Variants in PRKCA observed in about 807,000 individuals in gnomAD.
PRKCA encodes protein kinase C alpha type.
PRKCA carries 27 observed loss-of-function variants against 87.0 expected under a neutral mutation model. The observed-to-expected ratio is 0.31, with a 90% CI of 0.23 to 0.43. The LOEUF (loss-of-function observed/expected upper bound fraction) is 0.43, where lower values mean the gene tolerates loss of function less well. Ranked by LOEUF, PRKCA falls within the 20% of genes least tolerant of loss-of-function variation. The pLI is 1.00. For synonymous variants in PRKCA, 329 were observed against 311.1 expected, an observed-to-expected ratio of 1.06 and a Z score of -0.61; for missense variants, 518 against 852.3, an observed-to-expected ratio of 0.61 and a Z score of 4.88.
At chr17:66,338,364 G>A (rs1470826125) in intron 2 of PRKCA, among the ~76,000 whole-genome samples, 1 of 151,982 alleles carries the variant, frequency 6.6e-6, no homozygotes, top group Non-Finnish European at 1.5e-5. Flanking sequence ...CCCCCACTTT[G>A]GCTCTGAACC....
chr17:66,706,028 T>G (rs1314178419), intron 8 of PRKCA, among the ~76,000 whole-genome samples: 2 of 152,168 alleles, frequency 1.3e-5, no homozygotes, highest in Non-Finnish European at 2.9e-5. Flanking sequence ...GCTTGAGCTC[T>G]AGATCTTGCA....
chr17:66,669,484 A>G (rs1972120890), intron 5 of PRKCA, among the ~76,000 whole-genome samples: 1 of 152,208 alleles, frequency 6.6e-6, no homozygotes, highest in Non-Finnish European at 1.5e-5. Context: ...TCCCAAAGAT[A>G]AAAGAAGAAA....
At chr17:66,562,090 AATATATATAATTAAATT>A (rs1258478279) in intron 3 of PRKCA, among the ~76,000 whole-genome samples, 5 of 113,136 alleles carry the variant, frequency 4.4e-5, no homozygotes, top group South Asian at 5.4e-4. Flanking sequence ...TATATAATTA[AATATATATAATTAAATT>A]ATATATATAA....
At chr17:66,393,932 G>A (rs1342537118) in intron 2 of PRKCA, among the ~76,000 whole-genome samples, 1 of 151,988 alleles carries the variant, frequency 6.6e-6, no homozygotes, top group African/African-American at 2.4e-5. Flanking sequence ...AAATTGGCCC[G>A]GGCATGGTGG....
chr17:66,321,905 CAG>C (rs770475331), intron 2 of PRKCA, among the ~76,000 whole-genome samples: 1 of 152,182 alleles, frequency 6.6e-6, no homozygotes, highest in Non-Finnish European at 1.5e-5. Flanking sequence ...TCCATGAACT[CAG>C]ACTCATGCTA....
intron 8 of PRKCA, among the ~76,000 whole-genome samples, chr17:66,728,890 C>T (rs903807801): frequency 4.6e-5 from 7 of 152,332 alleles, no homozygotes; most frequent in South Asian, 2.1e-4. Flanking sequence ...TAGTATGAAC[C>T]GCAACTTCAC....
At chr17:66,667,238 C>A (rs1195554839) in intron 5 of PRKCA, among the ~76,000 whole-genome samples, 2 of 152,146 alleles carry the variant, frequency 1.3e-5, no homozygotes, top group Non-Finnish European at 2.9e-5. Context: ...GATGTCAAAT[C>A]GAGTTAAACA....
At chr17:66,337,094 C>T (rs555253976) in intron 2 of PRKCA, among the ~76,000 whole-genome samples, 1 of 152,032 alleles carries the variant, frequency 6.6e-6, no homozygotes, top group African/African-American at 2.4e-5. Flanking sequence ...CCCAGCCAGA[C>T]GTGCCTTCTT....
At chr17:66,360,721 A>G (rs2143476913) in intron 2 of PRKCA, among the ~76,000 whole-genome samples, 1 of 152,232 alleles carries the variant, frequency 6.6e-6, no homozygotes, top group Middle Eastern at 3.4e-3. Flanking sequence ...TTTATGGAAA[A>G]TCTTAAAACC....
At chr17:66,544,308 C>T (rs972023861) in intron 3 of PRKCA, among the ~76,000 whole-genome samples, 1 of 152,008 alleles carries the variant, frequency 6.6e-6, no homozygotes, top group African/African-American at 2.4e-5. Context: ...TGCTGTGAAC[C>T]AAAATACTAT....
At chr17:66,357,081 A>G (rs116550167) in intron 2 of PRKCA, among the ~76,000 whole-genome samples, 210 of 152,342 alleles carry the variant, frequency 1.4e-3, no homozygotes, top group African/African-American at 5.0e-3. Flanking sequence ...TTTGGGGTCC[A>G]GAAATCTTGT....
At chr17:66,554,634 G>A in intron 3 of PRKCA, 7 of 712,410 alleles carry the variant, frequency 9.8e-6, no homozygotes, top group Non-Finnish European at 1.2e-5. Context: ...GGGGGCACTA[G>A]CAAATAAATT....
intron 3 of PRKCA, among the ~76,000 whole-genome samples, chr17:66,502,483 C>T (rs1469747538): frequency 6.6e-6 from 1 of 152,126 alleles, no homozygotes; most frequent in Non-Finnish European, 1.5e-5. Flanking sequence ...GATCCACTCA[C>T]CTAGGCCTCC....
intron 3 of PRKCA, among the ~76,000 whole-genome samples, chr17:66,629,412 C>T (rs1970948478): frequency 6.6e-6 from 1 of 152,190 alleles, no homozygotes; most frequent in South Asian, 2.1e-4. Flanking sequence ...GAATAGCAGA[C>T]AGGGTACCTC....
In PRKCA at chr17:66,449,300, A is replaced by G. The variant is rs775712951; in HGVS notation, c.206-46901A>G. Reference sequence around the variant, plus strand: ...AGACCCTATTTCAAAAAAACAAAACAAAACAAAACAAAAGCAAAAAAAGCA... The same window carrying G: ...AGACCCTATTTCAAAAAAACAAAACGAAACAAAACAAAAGCAAAAAAAGCA... On this transcript the variant is annotated intron_variant, in intron 2 of 16. Transcript: ENST00000413366. Among the ~76,000 whole-genome samples, 27 of 152,256 alleles carry G rather than the reference A, an allele frequency of 1.8e-4. No individual in the cohort carries two copies. The South Asian group carries it at 5.6e-3, about 32-fold the overall frequency.
In PRKCA at chr17:66,808,762, G is replaced by T. The variant is rs1343922776; in HGVS notation, c.*4725G>T. 2 of 152,330 alleles carry T rather than the reference G, an allele frequency of 1.3e-5. No individual in the cohort carries two copies. The highest frequency in any genetic ancestry group is 2.9e-5 in the Non-Finnish European group (2 of 68,136). 9.4% of individuals were successfully genotyped at this position (152,330 alleles called of 1,614,324 possible). A position where few individuals can be genotyped will look rare whatever the true frequency, so the allele number is the denominator to read the frequency against. ...TTTCACTCTTGTTGCCCAGGCTGGA[G>T]TGCGGTGGTACAATCTCGGCTCACT... is the stretch of plus-strand genomic sequence containing the variant. On this transcript the variant is annotated 3_prime_UTR_variant, in exon 17 of 17. Transcript: ENST00000413366.
chr17:66,340,994 C>G (rs1485179500), intron 2 of PRKCA, among the ~76,000 whole-genome samples: 1 of 152,084 alleles, frequency 6.6e-6, no homozygotes, highest in African/African-American at 2.4e-5. Flanking sequence ...TTATTTATTC[C>G]TGCAAGCATG....
At chr17:66,318,849 G>A (rs745629686) in intron 2 of PRKCA, among the ~76,000 whole-genome samples, 1 of 151,098 alleles carries the variant, frequency 6.6e-6, no homozygotes. Context: ...AGCAAGACTC[G>A]GTCTCAAAAA....
chr17:66,345,955 G>T lies in PRKCA; in HGVS notation c.205+39828G>T, dbSNP rs145578202. Among the ~76,000 whole-genome samples the T allele has an allele frequency of 2.8e-4, 42 of 152,280 alleles. No individual in the cohort carries two copies. The East Asian group carries it at 3.9e-3, about 14-fold the overall frequency. Reference sequence around the variant, plus strand: ...TGAACGAATACCTAAGTAGATGATGGATGAATGCCACTGGAACATAATGTC... The same window carrying T: ...TGAACGAATACCTAAGTAGATGATGTATGAATGCCACTGGAACATAATGTC... On this transcript the variant is annotated intron_variant, in intron 2 of 16. Transcript: ENST00000413366.
Sources: allele counts gnomAD v4.1 joint callset (sites outside exome capture counted in the v4.1 genomes callset), GRCh38; gene constraint gnomAD v4.1.1; transcripts MANE v1.5; gene names NCBI Gene and HGNC (gene_info 2026-07-23, HGNC 2026-07-21).